The following CHMP4B variants were observed in gnomAD, a reference collection of about 807,000 sequenced individuals.
The protein encoded by CHMP4B is SNF7 homolog associated with Alix 1.
In CHMP4B, 1 loss-of-function variant was observed where a neutral mutation model predicts 25.1. The observed-to-expected ratio is 0.04, with a 90% CI of 0.01 to 0.19. The LOEUF (loss-of-function observed/expected upper bound fraction) is 0.19. Ranked by LOEUF, CHMP4B falls within the 10% of genes least tolerant of loss-of-function variation. CHMP4B has a pLI of 1.00. For missense variants in CHMP4B, 151 were observed against 289.7 expected, an observed-to-expected ratio of 0.52 and a Z score of 3.48; for synonymous variants, 101 against 115.6, an observed-to-expected ratio of 0.87 and a Z score of 0.81.
rs6059493 is a variant in CHMP4B at position 33,841,139 on chromosome 20, C to G, written c.191-7328C>G. 2.4e-3 allele frequency among the ~76,000 whole-genome samples: 360 copies of G among 152,338 alleles called. 8 individuals carry two copies. The highest frequency in any genetic ancestry group is 8.4e-3 in the African/African-American group (348 of 41,584). ...TTATTTCTTTCATCTTTGTCCCTTT[C>G]AAACAGATAAGGGGCTTCTTTCTTT... is the stretch of plus-strand genomic sequence containing the variant. On this transcript the variant is annotated intron_variant, in intron 1 of 4. Transcript: ENST00000217402.
At chr20:33,839,643 A>C (rs1226555801) in intron 1 of CHMP4B, among the ~76,000 whole-genome samples, 1 of 152,246 alleles carries the variant, frequency 6.6e-6, no homozygotes, top group Non-Finnish European at 1.5e-5. Context: ...CCTTGGTGCC[A>C]GACTGCTGCT....
intron 1 of CHMP4B, among the ~76,000 whole-genome samples, chr20:33,844,949 T>C (rs1029182187): frequency 6.6e-5 from 10 of 152,066 alleles, no homozygotes; most frequent in Non-Finnish European, 8.8e-5. Context: ...TTAGTAGAGA[T>C]GGGGTTTCAC....
chr20:33,841,531 C>G (rs139279401), intron 1 of CHMP4B, among the ~76,000 whole-genome samples: 45 of 152,340 alleles, frequency 3.0e-4, no homozygotes, highest in African/African-American at 8.2e-4. Flanking sequence ...TCTGTCTGGG[C>G]TTCCAATATG....
At chr20:33,823,513 A>T (rs1481135005) in intron 1 of CHMP4B, among the ~76,000 whole-genome samples, 5 of 152,128 alleles carry the variant, frequency 3.3e-5, no homozygotes, top group Non-Finnish European at 7.3e-5. Flanking sequence ...CTAGAACTAT[A>T]GGCATGTACC....
At chr20:33,835,090 C>T (rs1271629566) in intron 1 of CHMP4B, among the ~76,000 whole-genome samples, 1 of 152,208 alleles carries the variant, frequency 6.6e-6, no homozygotes, top group East Asian at 1.9e-4. Flanking sequence ...GCCATCGCAC[C>T]TGGCCTATGA....
chr20:33,825,831 A>G (rs935912378), intron 1 of CHMP4B, among the ~76,000 whole-genome samples: 1 of 152,190 alleles, frequency 6.6e-6, no homozygotes, highest in Admixed American at 6.5e-5. Context: ...TTCAGAGGTA[A>G]GAGGCAGAGA....
At chr20:33,826,893 GC>G (rs1288758879) in intron 1 of CHMP4B, among the ~76,000 whole-genome samples, 1 of 152,194 alleles carries the variant, frequency 6.6e-6, no homozygotes, top group Non-Finnish European at 1.5e-5. Flanking sequence ...TGGCTAGCTG[GC>G]TAACTCAGTT....
chr20:33,847,893 G>C (rs1180158536), intron 1 of CHMP4B, among the ~76,000 whole-genome samples: 1 of 152,082 alleles, frequency 6.6e-6, no homozygotes, highest in African/African-American at 2.4e-5. Flanking sequence ...AATTTACACA[G>C]TTGTTGGCTA....
chr20:33,832,825 C>G (rs1317005031), intron 1 of CHMP4B, among the ~76,000 whole-genome samples: 1 of 148,476 alleles, frequency 6.7e-6, no homozygotes, highest in Admixed American at 6.8e-5. Context: ...GTTGCCCAGG[C>G]TGGAGTGCAT....
intron 1 of CHMP4B, among the ~76,000 whole-genome samples, chr20:33,823,411 G>A (rs2626559): frequency 0.19 from 28,656 of 151,836 alleles, 2,985 homozygotes; most frequent in East Asian, 0.32. Flanking sequence ...CAGCTCTGTC[G>A]CCCAGGTTGG....
At position 33,829,103 on chromosome 20, in the gene CHMP4B, C is replaced by T. The variant is rs369012596; in HGVS notation, c.190+17445C>T. ...ATTGTTGGCCTCTGTCTTGGGCTCA[C>T]AGCCCATTAGGGATTATGACTTGAA... On this transcript the variant is annotated intron_variant, in intron 1 of 4. Coordinates refer to ENST00000217402, the MANE Select transcript of CHMP4B (RefSeq NM_176812.5). Among the ~76,000 whole-genome samples, 3 of 152,204 alleles carry T rather than the reference C, an allele frequency of 2.0e-5. No homozygotes were observed. The East Asian group carries it at 5.8e-4, about 29-fold the overall frequency.
At chr20:33,828,211 T>C (rs1475274979) in intron 1 of CHMP4B, among the ~76,000 whole-genome samples, 2 of 152,190 alleles carry the variant, frequency 1.3e-5, no homozygotes, top group Non-Finnish European at 2.9e-5. Flanking sequence ...ACACATCTTG[T>C]CCATACAGAG....
chr20:33,849,724 A>G (rs764837419), intron 2 of CHMP4B, among the ~76,000 whole-genome samples: 5 of 152,306 alleles, frequency 3.3e-5, no homozygotes, highest in South Asian at 2.1e-4. Context: ...GTGCTGTCCA[A>G]TGGGTGGGAA....
At chr20:33,833,962 A>G (rs760853462) in intron 1 of CHMP4B, among the ~76,000 whole-genome samples, 15 of 152,248 alleles carry the variant, frequency 9.9e-5, no homozygotes, top group Non-Finnish European at 1.9e-4. Flanking sequence ...TAGAATGAGC[A>G]AAGGAATTGC....
At chr20:33,848,376 G>A (rs1052675385) in intron 1 of CHMP4B, 91 bp from the exon 2 acceptor site, 2 of 1,273,948 alleles carry the variant, frequency 1.6e-6, no homozygotes, top group African/African-American at 1.5e-5. Context: ...CAACAGAGGT[G>A]CTTCCAGTAG....
chr20:33,811,830 G>C (rs1048458911), intron 1 of CHMP4B, among the ~76,000 whole-genome samples, 172 bp downstream of exon 1: 2 of 151,878 alleles, frequency 1.3e-5, no homozygotes, highest in Non-Finnish European at 2.9e-5. Flanking sequence ...ATGTCTCCCC[G>C]ATCCCTGGAC....
Position 33,853,884 on chromosome 20 carries a change from G to C in CHMP4B, c.*324G>C. ...CCACTGCTGAATCCTCAATGGAAAG[G>C]GTCGACTGGTTGCAGTTGAAATGAC... On this transcript the variant is annotated 3_prime_UTR_variant, in exon 5 of 5. Transcript: ENST00000217402. 2 of 432,556 alleles carry C rather than the reference G, an allele frequency of 4.6e-6. No individual in the cohort carries two copies. The highest frequency in any genetic ancestry group is 2.3e-5 in the South Asian group (1 of 42,912). The allele number at this position is 432,556 out of a possible 1,614,324, so 26.8% of individuals were successfully genotyped here.
rs554368821 is a variant in CHMP4B, at chr20:33,818,538, T to C, written c.190+6880T>C. On this transcript the variant is annotated intron_variant, in intron 1 of 4. Transcript: ENST00000217402. ...CCAACTGTAAAATCACCTTTCTTAATTGGGACTGATATCTGTCTTTCTATA... is the reference window on the plus strand; with the variant it reads ...CCAACTGTAAAATCACCTTTCTTAACTGGGACTGATATCTGTCTTTCTATA... Among the ~76,000 whole-genome samples, 18 of 152,316 alleles carry C rather than the reference T, an allele frequency of 1.2e-4. No individual in the cohort carries two copies. The South Asian group carries it at 2.9e-3, about 25-fold the overall frequency.
In CHMP4B at chr20:33,838,010, G is replaced by A. The variant is rs529457346; in HGVS notation, c.191-10457G>A. Among the ~76,000 whole-genome samples, 3 of 152,288 alleles carry A rather than the reference G, an allele frequency of 2.0e-5. No individual in the cohort carries two copies. In the South Asian group the frequency reaches 6.2e-4, roughly 32 times the overall value. ...GGAGTCTGAGGCCCTAGGAAATGAG[G>A]GGACTTGCTCAGTGACATACTTTAG... On this transcript the variant is annotated intron_variant, in intron 1 of 4. Transcript: ENST00000217402.
Sources: allele counts gnomAD v4.1 joint callset (sites outside exome capture counted in the v4.1 genomes callset), GRCh38; gene constraint gnomAD v4.1.1; transcripts MANE v1.5; gene names NCBI Gene and HGNC (gene_info 2026-07-23, HGNC 2026-07-21).